The following CPNE4 variants were observed in gnomAD, a reference collection of about 807,000 sequenced individuals.
The protein encoded by CPNE4 is copine 4.
CPNE4 carries 25 observed loss-of-function variants against 67.9 expected under a neutral mutation model. The ratio of observed to expected loss-of-function variants is 0.37; its 90% CI spans 0.27 to 0.51. CPNE4 has a LOEUF of 0.51. CPNE4 is among the 20% of genes least tolerant of loss of function. The probability of loss-of-function intolerance (pLI) is 0.93; values close to 1 mark genes in which losing one functional copy is unlikely to be tolerated. For synonymous variants in CPNE4, 242 were observed against 244.9 expected, an observed-to-expected ratio of 0.99 and a Z score of 0.11; for missense variants, 464 against 690.8, an observed-to-expected ratio of 0.67 and a Z score of 3.68.
At chr3:131,840,083 G>C (rs754876595) in intron 2 of CPNE4, among the ~76,000 whole-genome samples, 2 of 152,120 alleles carry the variant, frequency 1.3e-5, no homozygotes, top group Non-Finnish European at 2.9e-5. Flanking sequence ...TGCCATGAGG[G>C]GTTAGGTTAG....
chr3:131,588,414 A>G (rs1490582498), intron 7 of CPNE4, among the ~76,000 whole-genome samples: 1 of 152,186 alleles, frequency 6.6e-6, no homozygotes, highest in Non-Finnish European at 1.5e-5. Flanking sequence ...TCATTGCTAC[A>G]TCTTAAGCCA....
intron 1 of CPNE4, among the ~76,000 whole-genome samples, chr3:131,927,248 G>C (rs1920010): frequency 1.3e-5 from 2 of 152,102 alleles, no homozygotes; most frequent in South Asian, 4.1e-4. Flanking sequence ...TCATGCATCT[G>C]TCTGTCATCA....
intron 5 of CPNE4, among the ~76,000 whole-genome samples, chr3:131,686,204 G>A (rs897171837): frequency 2.6e-5 from 4 of 152,160 alleles, no homozygotes; most frequent in Non-Finnish European, 5.9e-5. Flanking sequence ...TGGCTAGAAT[G>A]GACTGCATCT....
intron 7 of CPNE4, among the ~76,000 whole-genome samples, chr3:131,665,543 T>G (rs1176052769): frequency 6.6e-6 from 1 of 151,686 alleles, no homozygotes; most frequent in African/African-American, 2.4e-5. Context: ...CCTGTAATCA[T>G]AGCTACTCAG....
intron 3 of CPNE4, among the ~76,000 whole-genome samples, chr3:131,701,502 T>G (rs1288406213): frequency 1.3e-5 from 2 of 152,216 alleles, no homozygotes; most frequent in Non-Finnish European, 2.9e-5. Flanking sequence ...CTCTTATCAC[T>G]ATCTTATATC....
intron 1 of CPNE4, among the ~76,000 whole-genome samples, chr3:131,913,813 T>C (rs2089078691): frequency 6.6e-6 from 1 of 152,194 alleles, no homozygotes; most frequent in African/African-American, 2.4e-5. Context: ...GTAAGTTACT[T>C]GAATTCTCTA....
intron 2 of CPNE4, among the ~76,000 whole-genome samples, chr3:131,752,135 G>C (rs761388743): frequency 6.6e-6 from 1 of 152,114 alleles, no homozygotes; most frequent in Non-Finnish European, 1.5e-5. Context: ...ATGCAAGTTG[G>C]AGAGCTTTTA....
At chr3:131,840,326 G>A (rs1369379356) in intron 2 of CPNE4, among the ~76,000 whole-genome samples, 1 of 152,088 alleles carries the variant, frequency 6.6e-6, no homozygotes, top group Non-Finnish European at 1.5e-5. Context: ...CTAGTGAATT[G>A]GAATCCAAAA....
intron 2 of CPNE4, among the ~76,000 whole-genome samples, chr3:131,871,830 TTC>T (rs755725052): frequency 2.6e-5 from 4 of 152,194 alleles, no homozygotes; most frequent in Non-Finnish European, 4.4e-5. Context: ...TGAAATTATC[TTC>T]TCTTTTTCAT....
intron 3 of CPNE4, among the ~76,000 whole-genome samples, chr3:131,715,411 T>C (rs751873520): frequency 9.2e-5 from 14 of 152,226 alleles, no homozygotes; most frequent in Non-Finnish European, 2.1e-4. Flanking sequence ...TCATAGATGC[T>C]ACTTGATCAT....
At chr3:131,909,176 A>G (rs376979076) in intron 1 of CPNE4, among the ~76,000 whole-genome samples, 9 of 152,308 alleles carry the variant, frequency 5.9e-5, no homozygotes, top group African/African-American at 1.9e-4. Context: ...CATACACATG[A>G]GCCAATAACT....
intron 2 of CPNE4, among the ~76,000 whole-genome samples, chr3:131,872,258 G>T (rs929293939): frequency 6.6e-6 from 1 of 152,026 alleles, no homozygotes; most frequent in African/African-American, 2.4e-5. Context: ...TAAGGAATTA[G>T]CTCACATGAT....
intron 1 of CPNE4, among the ~76,000 whole-genome samples, chr3:131,965,163 C>T (rs192668209): frequency 1.3e-5 from 2 of 152,248 alleles, no homozygotes; most frequent in Admixed American, 6.5e-5. Context: ...CCTTTACAGA[C>T]AAGGAAATGC....
intron 12 of CPNE4, among the ~76,000 whole-genome samples, chr3:131,554,079 C>T (rs962649792): frequency 6.6e-6 from 1 of 152,082 alleles, no homozygotes; most frequent in Non-Finnish European, 1.5e-5. Flanking sequence ...TAGCTCTGTC[C>T]TCAGCCCTGT....
At chr3:131,875,445 T>C (rs537308127) in intron 2 of CPNE4, among the ~76,000 whole-genome samples, 1 of 152,194 alleles carries the variant, frequency 6.6e-6, no homozygotes, top group Non-Finnish European at 1.5e-5. Context: ...TGTCCAACAA[T>C]GATAGACTGG....
chr3:131,751,078 T>G (rs545621296), intron 2 of CPNE4, among the ~76,000 whole-genome samples: 1 of 152,272 alleles, frequency 6.6e-6, no homozygotes, highest in East Asian at 1.9e-4. Flanking sequence ...TTAGATTTTT[T>G]TCTTTGTCCT....
At chr3:132,005,152 CA>C (rs1264813884) in intron 1 of CPNE4, among the ~76,000 whole-genome samples, 2 of 151,360 alleles carry the variant, frequency 1.3e-5, no homozygotes, top group African/African-American at 4.9e-5. Flanking sequence ...ATGGCAAAGC[CA>C]AAGATCAAGG....
chr3:131,681,417 G>A (rs2080751512), intron 6 of CPNE4, among the ~76,000 whole-genome samples: 1 of 152,124 alleles, frequency 6.6e-6, no homozygotes. Context: ...TAGGATACAA[G>A]TTTTTTCCTT....
intron 2 of CPNE4, among the ~76,000 whole-genome samples, chr3:131,789,610 C>T (rs1349647166): frequency 6.6e-6 from 1 of 152,150 alleles, no homozygotes; most frequent in Non-Finnish European, 1.5e-5. Context: ...CCAGTACATG[C>T]TGCACACTAT....
Sources: gnomAD v4.1 joint callset for allele counts (sites outside exome capture counted in the v4.1 genomes callset) on GRCh38, gnomAD v4.1.1 for gene constraint, MANE v1.5 for transcripts, NCBI Gene and HGNC (gene_info 2026-07-23, HGNC 2026-07-21) for gene names.